RBFOX1: variants seen among roughly 807,000 people sequenced by gnomAD.
The protein encoded by RBFOX1 is RNA binding fox-1 homolog 1.
A neutral mutation model predicts 57.7 loss-of-function variants in RBFOX1; 8 were observed. The observed-to-expected ratio is 0.14, with a 90% CI of 0.08 to 0.25. The LOEUF is 0.25. RBFOX1 is among the 10% of genes least tolerant of loss of function. RBFOX1 has a pLI of 1.00. For missense variants in RBFOX1, 611 were observed against 548.5 expected, an observed-to-expected ratio of 1.11 and a Z score of -1.14; for synonymous variants, 326 against 222.4, an observed-to-expected ratio of 1.47 and a Z score of -4.15.
chr16:6,648,750 G>T (rs368630797), intron 2 of RBFOX1, among the ~76,000 whole-genome samples: 1 of 152,160 alleles, frequency 6.6e-6, no homozygotes, highest in East Asian at 1.9e-4. Flanking sequence ...CAGACAGAGA[G>T]CTGCTTTTTC....
At chr16:6,608,024 T>G (rs994276386) in intron 2 of RBFOX1, among the ~76,000 whole-genome samples, 1 of 152,152 alleles carries the variant, frequency 6.6e-6, no homozygotes, top group African/African-American at 2.4e-5. Context: ...CTCTGTAATA[T>G]TTTATCTTCT....
intron 3 of RBFOX1, among the ~76,000 whole-genome samples, chr16:6,978,750 C>T (rs898084930): frequency 6.6e-6 from 1 of 152,190 alleles, no homozygotes; most frequent in Non-Finnish European, 1.5e-5. Context: ...GGATTCGAAC[C>T]CCAGATTTGA....
chr16:6,855,568 G>C (rs149914255), intron 3 of RBFOX1, among the ~76,000 whole-genome samples: 13 of 151,220 alleles, frequency 8.6e-5, no homozygotes, highest in African/African-American at 2.9e-4. Context: ...CAGGAGAATG[G>C]CGTGAACCCG....
At chr16:6,914,500 G>C (rs1282144393) in intron 3 of RBFOX1, among the ~76,000 whole-genome samples, 1 of 151,908 alleles carries the variant, frequency 6.6e-6, no homozygotes, top group African/African-American at 2.4e-5. Flanking sequence ...TCCTACCTGA[G>C]CCACCTTTGA....
chr16:6,991,338 G>T (rs1381714612), intron 3 of RBFOX1, among the ~76,000 whole-genome samples: 1 of 151,962 alleles, frequency 6.6e-6, no homozygotes, highest in Non-Finnish European at 1.5e-5. Flanking sequence ...CTCCATTTCA[G>T]CTAATACATC....
intron 1 of RBFOX1, among the ~76,000 whole-genome samples, chr16:6,267,337 T>G (rs1162715336): frequency 6.6e-6 from 1 of 152,238 alleles, no homozygotes; most frequent in Non-Finnish European, 1.5e-5. Flanking sequence ...TCATATTATT[T>G]GGTGATTTGT....
At chr16:7,257,787 G>T (rs926900714) in intron 4 of RBFOX1, among the ~76,000 whole-genome samples, 1 of 152,164 alleles carries the variant, frequency 6.6e-6, no homozygotes, top group African/African-American at 2.4e-5. Flanking sequence ...AAGATTTGAG[G>T]GCTGCAAGAG....
At chr16:7,079,526 T>C (rs1351626319) in intron 4 of RBFOX1, among the ~76,000 whole-genome samples, 1 of 152,206 alleles carries the variant, frequency 6.6e-6, no homozygotes. Context: ...AAGTTCAGAT[T>C]GTAAATTCTT....
chr16:7,296,203 T>G (rs557919101), intron 4 of RBFOX1, among the ~76,000 whole-genome samples: 15 of 151,468 alleles, frequency 9.9e-5, no homozygotes, highest in African/African-American at 3.6e-4. Context: ...AAAATTTTAA[T>G]AGACTTAAAT....
intron 3 of RBFOX1, among the ~76,000 whole-genome samples, chr16:5,803,556 A>G (rs1005713778): frequency 6.6e-6 from 1 of 152,208 alleles, no homozygotes; most frequent in African/African-American, 2.4e-5. Context: ...AAGCATATGT[A>G]TGGTGCCTGT....
intron 3 of RBFOX1, among the ~76,000 whole-genome samples, chr16:5,666,279 C>T (rs2049841946): frequency 1.3e-5 from 2 of 152,216 alleles, no homozygotes; most frequent in South Asian, 4.1e-4. Context: ...GCCTCATTAT[C>T]CCATTTCTGT....
intron 3 of RBFOX1, among the ~76,000 whole-genome samples, chr16:5,751,274 A>G (rs982682148): frequency 6.6e-6 from 1 of 152,262 alleles, no homozygotes; most frequent in Admixed American, 6.5e-5. Context: ...TCTAAACTTC[A>G]CTGATTCTGG....
intron 11 of RBFOX1, among the ~76,000 whole-genome samples, chr16:7,649,674 C>T (rs1732628923): frequency 6.6e-6 from 1 of 152,160 alleles, no homozygotes; most frequent in Non-Finnish European, 1.5e-5. Flanking sequence ...CATTGGTTAA[C>T]CACTGACAGG....
At chr16:6,600,464 C>T (rs951430276) in intron 2 of RBFOX1, among the ~76,000 whole-genome samples, 1 of 152,188 alleles carries the variant, frequency 6.6e-6, no homozygotes, top group Non-Finnish European at 1.5e-5. Flanking sequence ...TTCTGGCATT[C>T]TGAAAAGAAC....
intron 1 of RBFOX1, among the ~76,000 whole-genome samples, chr16:5,365,302 CAT>C (rs1189338679): frequency 2.0e-5 from 3 of 150,288 alleles, no homozygotes; most frequent in East Asian, 2.0e-4. Flanking sequence ...TGAGCAAACA[CAT>C]ATGCAGCCAC....
In RBFOX1 at chr16:7,633,046, C is replaced by T. The variant is rs542380039; in HGVS notation, c.757+2363C>T. On this transcript the variant is annotated intron_variant, in intron 11 of 15. Coordinates refer to ENST00000550418, the MANE Select transcript of RBFOX1 (RefSeq NM_018723.4). ...AGAGAGAAAATGAAACCATCTAAAG[C>T]GAGGGCCACCCAAGCCAGCCCATGG... is the stretch of plus-strand genomic sequence containing the variant. 9.2e-5 allele frequency among the ~76,000 whole-genome samples: 14 copies of T among 152,128 alleles called. No individual in the cohort carries two copies. The South Asian group carries it at 1.9e-3, about 20-fold the overall frequency.
intron 2 of RBFOX1, among the ~76,000 whole-genome samples, chr16:6,445,925 C>T (rs765836967): frequency 4.5e-4 from 68 of 151,796 alleles, no homozygotes; most frequent in Non-Finnish European, 8.5e-4. Flanking sequence ...TTCAGCATCC[C>T]TGTTAACTAT....
chr16:5,538,739 G>A (rs771921865), intron 2 of RBFOX1, among the ~76,000 whole-genome samples: 14 of 151,218 alleles, frequency 9.3e-5, no homozygotes, highest in Non-Finnish European at 1.6e-4. Flanking sequence ...TGATTGTCCT[G>A]CCTTAGACTC....
At chr16:7,065,617 G>A (rs145742611) in intron 4 of RBFOX1, among the ~76,000 whole-genome samples, 26 of 152,162 alleles carry the variant, frequency 1.7e-4, no homozygotes, top group African/African-American at 6.0e-4. Context: ...GAACTAATTA[G>A]CATTGCATGA....
Sources: allele counts gnomAD v4.1 joint callset (sites outside exome capture counted in the v4.1 genomes callset), GRCh38; gene constraint gnomAD v4.1.1; transcripts MANE v1.5; gene names NCBI Gene and HGNC (gene_info 2026-07-23, HGNC 2026-07-21).